Variants in APP observed in about 807,000 individuals in gnomAD.
APP encodes the protein amyloid-beta precursor protein.
A neutral mutation model predicts 101.4 loss-of-function variants in APP; 31 were observed. That is an observed-to-expected ratio of 0.31 (90% CI 0.23 to 0.41). The LOEUF (loss-of-function observed/expected upper bound fraction) is 0.41. Ranked by LOEUF, APP falls within the 10% of genes least tolerant of loss-of-function variation. APP has a pLI of 1.00. For synonymous variants in APP, 366 were observed against 364.4 expected, an observed-to-expected ratio of 1.00 and a Z score of -0.05; for missense variants, 839 against 1,003.7, an observed-to-expected ratio of 0.84 and a Z score of 2.22.
intron 3 of APP, among the ~76,000 whole-genome samples, chr21:26,056,259 A>G (rs1391355606): frequency 2.0e-5 from 3 of 152,110 alleles, no homozygotes; most frequent in Non-Finnish European, 4.4e-5. Flanking sequence ...GCTGGTCTCG[A>G]ACTCCTAGGC....
intron 1 of APP, among the ~76,000 whole-genome samples, chr21:26,143,754 T>A (rs1569027973): frequency 6.6e-6 from 1 of 152,200 alleles, no homozygotes; most frequent in East Asian, 1.9e-4. Flanking sequence ...CTTGTTTCCA[T>A]GAGTTTGAGT....
intron 17 of APP, among the ~76,000 whole-genome samples, chr21:25,888,782 G>C (rs1028772241): frequency 1.3e-5 from 2 of 151,696 alleles, no homozygotes; most frequent in African/African-American, 4.9e-5. Flanking sequence ...TAAAAAAAGA[G>C]CGTTTTAATT....
chr21:25,963,801 T>C (rs764089149), intron 11 of APP, among the ~76,000 whole-genome samples: 4 of 152,190 alleles, frequency 2.6e-5, no homozygotes, highest in Admixed American at 6.6e-5. Flanking sequence ...ACCTTTATTG[T>C]CTTTAATGCC....
At chr21:26,106,949 T>TCA (rs759892573) in intron 2 of APP, among the ~76,000 whole-genome samples, 8 of 152,178 alleles carry the variant, frequency 5.3e-5, no homozygotes, top group Non-Finnish European at 1.0e-4. Flanking sequence ...CAATGTTTTG[T>TCA]CACACACACA....
At chr21:26,145,378 G>C (rs1422325788) in intron 1 of APP, among the ~76,000 whole-genome samples, 2 of 152,166 alleles carry the variant, frequency 1.3e-5, no homozygotes, top group Non-Finnish European at 2.9e-5. Flanking sequence ...TCAGACATTA[G>C]TTAGATTCTC....
chr21:25,947,693 G>A (rs549300062), intron 13 of APP, among the ~76,000 whole-genome samples: 1 of 152,198 alleles, frequency 6.6e-6, no homozygotes, highest in East Asian at 1.9e-4. Flanking sequence ...CAAGGCTTTG[G>A]TTGTTGATAA....
At chr21:25,963,714 T>TA (rs1268910845) in intron 11 of APP, among the ~76,000 whole-genome samples, 5 of 152,222 alleles carry the variant, frequency 3.3e-5, no homozygotes, top group Admixed American at 3.3e-4. Context: ...TTTAGAGAGT[T>TA]AAGTCTCTCT....
chr21:26,154,687 G>C (rs1569040820), intron 1 of APP, among the ~76,000 whole-genome samples: 1 of 152,240 alleles, frequency 6.6e-6, no homozygotes, highest in Non-Finnish European at 1.5e-5. Context: ...AAAGAGATTA[G>C]AAGTTAGAGA....
At chr21:26,066,197 C>G (rs1046979299) in intron 3 of APP, among the ~76,000 whole-genome samples, 2 of 152,150 alleles carry the variant, frequency 1.3e-5, no homozygotes, top group African/African-American at 4.8e-5. Context: ...GCTTTTCTAA[C>G]AAGCTCCCAA....
At chr21:26,054,133 T>A (rs2045944648) in intron 3 of APP, among the ~76,000 whole-genome samples, 1 of 152,190 alleles carries the variant, frequency 6.6e-6, no homozygotes, top group East Asian at 1.9e-4. Flanking sequence ...TAAATATCTG[T>A]TAATGAATGA....
At chr21:26,029,929 C>T (rs2044746901) in intron 5 of APP, among the ~76,000 whole-genome samples, 1 of 152,132 alleles carries the variant, frequency 6.6e-6, no homozygotes, top group Non-Finnish European at 1.5e-5. Flanking sequence ...AACCCTGCCC[C>T]ACTTACGTTA....
chr21:25,999,249 G>A (rs1441848787), intron 7 of APP, among the ~76,000 whole-genome samples: 2 of 152,086 alleles, frequency 1.3e-5, no homozygotes, highest in East Asian at 1.9e-4. Flanking sequence ...CCAAGATCAC[G>A]CCATTGCACT....
intron 5 of APP, among the ~76,000 whole-genome samples, chr21:26,036,443 T>G (rs1168620086): frequency 6.6e-6 from 1 of 152,120 alleles, no homozygotes; most frequent in African/African-American, 2.4e-5. Flanking sequence ...GATTTATAGA[T>G]AAAAGTCCCA....
chr21:26,122,035 C>T (rs1249064243), intron 1 of APP, among the ~76,000 whole-genome samples: 1 of 152,222 alleles, frequency 6.6e-6, no homozygotes, highest in African/African-American at 2.4e-5. Flanking sequence ...TAGAGCCATA[C>T]TGATAAATCT....
chr21:25,905,167 A>T (rs1016212888), intron 14 of APP, 90 bp from the exon 15 acceptor site: 1 of 1,060,564 alleles, frequency 9.4e-7, no homozygotes, highest in African/African-American at 1.6e-5. Flanking sequence ...GCAGGGAAAA[A>T]AGCATATGCA....
rs45612542 is a variant in APP, at chr21:26,146,455, C to T, written c.57+24109G>A. 8.9e-4 allele frequency among the ~76,000 whole-genome samples: 136 copies of T among 152,326 alleles called. 1 individual carries two copies. Among genetic ancestry groups the T allele is most frequent in the African/African-American group, 3.2e-3 (131 of 41,574 alleles). On this transcript the variant is annotated intron_variant, in intron 1 of 17. Transcript: ENST00000346798. ...CTGACGACTATGAGATTGAGCATAT[C>T]TTCATAGGTTTATTGGCTGTGTATT...
chr21:25,937,480 A>G (rs1275654253), intron 13 of APP, among the ~76,000 whole-genome samples: 1 of 152,222 alleles, frequency 6.6e-6, no homozygotes, highest in East Asian at 1.9e-4. Context: ...TTTACAGTCC[A>G]TCATTTACAA....
At chr21:26,135,556 T>C (rs1375787160) in intron 1 of APP, among the ~76,000 whole-genome samples, 1 of 152,226 alleles carries the variant, frequency 6.6e-6, no homozygotes, top group African/African-American at 2.4e-5. Context: ...AGTCGTACAT[T>C]AGGACAAATG....
intron 1 of APP, among the ~76,000 whole-genome samples, chr21:26,132,745 A>C (rs561382461): frequency 6.6e-6 from 1 of 152,378 alleles, no homozygotes; most frequent in Admixed American, 6.5e-5. Context: ...TCAGTAAATT[A>C]TGTTACAGAC....
Sources: allele counts gnomAD v4.1 joint callset (sites outside exome capture counted in the v4.1 genomes callset), GRCh38; gene constraint gnomAD v4.1.1; transcripts MANE v1.5; gene names NCBI Gene and HGNC (gene_info 2026-07-23, HGNC 2026-07-21).